Variants in ITGA9 observed in about 807,000 individuals in gnomAD.
ITGA9 encodes integrin subunit alpha 9, also known as integrin alpha-9.
Under a neutral mutation model 127.8 loss-of-function variants are expected in ITGA9, and 56 were observed. The ratio of observed to expected loss-of-function variants is 0.44; its 90% CI spans 0.35 to 0.55. The LOEUF is 0.55. ITGA9 is among the 20% of genes least tolerant of loss of function. ITGA9 has a pLI of 0.00. For synonymous variants in ITGA9, 508 were observed against 514.5 expected, an observed-to-expected ratio of 0.99 and a Z score of 0.17; for missense variants, 1,196 against 1,347.1, an observed-to-expected ratio of 0.89 and a Z score of 1.76.
intron 20 of ITGA9, among the ~76,000 whole-genome samples, chr3:37,737,270 GC>G (rs1249439111): frequency 2.6e-5 from 4 of 152,218 alleles, no homozygotes; most frequent in African/African-American, 9.6e-5. Flanking sequence ...GGGGGGTGAG[GC>G]TCTAGTCCAA....
chr3:37,799,781 C>T lies in ITGA9; in HGVS notation c.2890-4042C>T, dbSNP rs1263927802. Among the ~76,000 whole-genome samples the T allele has an allele frequency of 2.0e-5, 3 of 152,206 alleles. No homozygotes were observed. The South Asian group carries it at 6.2e-4, about 32-fold the overall frequency. ...AGCCAGGAGGTACCTGGGATGGAAA[C>T]AAGAGGATGGAGAGAAAAGTTGTTT... On this transcript the variant is annotated intron_variant, in intron 26 of 27. Transcript: ENST00000264741. The surrounding 1 kb of genome is among the most constrained non-coding windows in gnomAD (Gnocchi z 4.0).
rs773159500 is a variant in ITGA9 at position 37,780,048 on chromosome 3, G to A, written c.2787+27G>A. On this transcript the variant is annotated intron_variant, in intron 25 of 27. Transcript: ENST00000264741. ...TAAGCCCTAATGAACCGCACTTGTG[G>A]ATGCATTTAGAAGCATTTGAATTGT... 1.2e-5 allele frequency: 20 copies of A among 1,612,792 alleles called. No individual in the cohort carries two copies. Among genetic ancestry groups the A allele is most frequent in the Admixed American group, 8.3e-5 (5 of 59,994 alleles).
chr3:37,744,424 A>T (rs1696476078), intron 22 of ITGA9, among the ~76,000 whole-genome samples: 1 of 151,988 alleles, frequency 6.6e-6, no homozygotes, highest in Non-Finnish European at 1.5e-5. Context: ...TCCTCCTGAG[A>T]TTTTCTTGCC....
intron 16 of ITGA9, among the ~76,000 whole-genome samples, chr3:37,641,179 G>A (rs1038175566): frequency 6.6e-6 from 1 of 152,176 alleles, no homozygotes; most frequent in Non-Finnish European, 1.5e-5. Context: ...TGGGCAGCGG[G>A]CCAGCGAGTG....
chr3:37,674,081 C>T (rs935112275), intron 17 of ITGA9, among the ~76,000 whole-genome samples: 6 of 152,112 alleles, frequency 3.9e-5, no homozygotes, highest in African/African-American at 1.2e-4. Context: ...CTGATGTTGG[C>T]GGCATTATTC....
chr3:37,532,281 G>A (rs866988503), intron 13 of ITGA9, among the ~76,000 whole-genome samples: 4 of 152,190 alleles, frequency 2.6e-5, no homozygotes, highest in African/African-American at 7.2e-5. Flanking sequence ...TCTGTGCCTC[G>A]TGTCTCTTCA....
intron 15 of ITGA9, among the ~76,000 whole-genome samples, chr3:37,546,545 G>A (rs1241524452): frequency 6.6e-6 from 1 of 152,338 alleles, no homozygotes; most frequent in East Asian, 1.9e-4. Context: ...CAGTCCACAG[G>A]TTTTGGACAT....
intron 26 of ITGA9, among the ~76,000 whole-genome samples, chr3:37,788,186 T>C (rs1697063994): frequency 6.6e-6 from 1 of 152,212 alleles, no homozygotes; most frequent in South Asian, 2.1e-4. Flanking sequence ...TCTATATCAT[T>C]TCCAGGGCAT....
intron 4 of ITGA9, among the ~76,000 whole-genome samples, chr3:37,483,961 G>T (rs1424779698): frequency 6.6e-6 from 1 of 152,156 alleles, no homozygotes; most frequent in Non-Finnish European, 1.5e-5. Flanking sequence ...CTGTTAGTTT[G>T]TTTTTTAGGG....
intron 23 of ITGA9, among the ~76,000 whole-genome samples, chr3:37,765,217 C>A (rs183172012): frequency 6.6e-6 from 1 of 152,016 alleles, no homozygotes; most frequent in Non-Finnish European, 1.5e-5. Flanking sequence ...TACTTGAGAT[C>A]GCCCAGTAGG....
At chr3:37,583,064 C>T (rs1047077761) in intron 15 of ITGA9, among the ~76,000 whole-genome samples, 2 of 152,276 alleles carry the variant, frequency 1.3e-5, no homozygotes, top group East Asian at 1.9e-4. Flanking sequence ...TCTTCCTCAC[C>T]GTCCCACTTT....
rs537892998 is a variant in ITGA9 at position 37,471,656 on chromosome 3, A to T, written c.313+522A>T. On this transcript the variant is annotated intron_variant, in intron 2 of 27. Transcript: ENST00000264741. Reference sequence around the variant, plus strand: ...ACGTGGGGCCTAGCAGGCCAGGGCAATGTGCTGGAATTTTATTCTGTGTGT... The same window carrying T: ...ACGTGGGGCCTAGCAGGCCAGGGCATTGTGCTGGAATTTTATTCTGTGTGT... Among the ~76,000 whole-genome samples, 8 of 152,332 alleles carry T rather than the reference A, an allele frequency of 5.3e-5. No individual in the cohort carries two copies. In the South Asian group the frequency reaches 8.3e-4, roughly 16 times the overall value.
intron 22 of ITGA9, 125 bp from the exon 23 acceptor site, chr3:37,750,337 T>C (rs1696567181): frequency 1.4e-6 from 1 of 707,960 alleles, no homozygotes; most frequent in Non-Finnish European, 2.6e-6. Context: ...GTTGTGACCT[T>C]CCAGATCCGA....
At position 37,619,211 on chromosome 3, in the gene ITGA9, A is replaced by G. The variant is rs147506274; in HGVS notation, c.1690-9976A>G. The stretch of plus-strand genomic sequence containing the variant: ...TGCATGTAACTCCCCATGCCTCTCC[A>G]CTACTGATATGGATCTGCCTGGTCC... On this transcript the variant is annotated intron_variant, in intron 15 of 27. Transcript: ENST00000264741. Among the ~76,000 whole-genome samples the G allele has an allele frequency of 1.2e-3, 189 of 152,268 alleles. 5 individuals are homozygous for G. The East Asian group carries it at 0.035, about 28-fold the overall frequency.
intron 17 of ITGA9, among the ~76,000 whole-genome samples, chr3:37,679,669 A>G (rs1700716771): frequency 6.6e-6 from 1 of 152,216 alleles, no homozygotes; most frequent in South Asian, 2.1e-4. Context: ...CCTCTCTGAC[A>G]GTCCTGCTGA....
At chr3:37,763,077 C>T (rs896790731) in intron 23 of ITGA9, among the ~76,000 whole-genome samples, 1 of 152,250 alleles carries the variant, frequency 6.6e-6, no homozygotes, top group African/African-American at 2.4e-5. Flanking sequence ...TTGCGCCCAG[C>T]ATATGCTAAG....
chr3:37,453,446 C>T (rs1224657623), intron 1 of ITGA9, among the ~76,000 whole-genome samples: 1 of 152,190 alleles, frequency 6.6e-6, no homozygotes, highest in East Asian at 1.9e-4. Flanking sequence ...CCAACCCCAG[C>T]AGAGAAGCAC....
chr3:37,745,626 T>C (rs1696491098), intron 22 of ITGA9: 1 of 152,134 alleles, frequency 6.6e-6, no homozygotes, highest in South Asian at 2.1e-4. Flanking sequence ...GACCATGTAA[T>C]GAAGAGGGTA....
chr3:37,474,657 G>A (rs2125555174), intron 3 of ITGA9, among the ~76,000 whole-genome samples: 1 of 152,274 alleles, frequency 6.6e-6, no homozygotes, highest in Admixed American at 6.5e-5. Context: ...TCTGACATAG[G>A]CTTTCTCTTG....
Sources: allele counts gnomAD v4.1 joint callset (sites outside exome capture counted in the v4.1 genomes callset), GRCh38; gene constraint gnomAD v4.1.1; non-coding constraint Gnocchi (gnomAD v3.1); transcripts MANE v1.5; gene names NCBI Gene and HGNC (gene_info 2026-07-23, HGNC 2026-07-21).